The following PINX1 variants were observed in gnomAD, a reference collection of about 807,000 sequenced individuals.
The protein encoded by PINX1 is PIN2 (TERF1) interacting telomerase inhibitor 1.
A neutral mutation model predicts 25.4 loss-of-function variants in PINX1; 34 were observed. That is an observed-to-expected ratio of 1.34 (90% confidence interval 1.02 to 1.78). PINX1 has a LOEUF of 1.78. Among genes scored for constraint, PINX1 ranks in the 40% most tolerant of loss-of-function variants. PINX1 has a pLI of 0.00. For missense variants in PINX1, 592 were observed against 404.9 expected (o/e 1.46, Z -3.97); for synonymous variants, 197 against 147.7 (o/e 1.33, Z -2.42).
At chr8:10,778,852 T>C (rs370512253) in intron 6 of PINX1, among the ~76,000 whole-genome samples, 2 of 152,348 alleles carry the variant, frequency 1.3e-5, no homozygotes, top group East Asian at 1.9e-4. Flanking sequence ...TTGTCCCAGA[T>C]TGTCCAAGAG....
At chr8:10,769,217 C>G (rs980209561) in intron 6 of PINX1, among the ~76,000 whole-genome samples, 1 of 152,148 alleles carries the variant, frequency 6.6e-6, no homozygotes, top group Non-Finnish European at 1.5e-5. Context: ...AATTCCAATG[C>G]TTGCTGTTCA....
chr8:10,813,662 T>G (rs950263693), intron 6 of PINX1, among the ~76,000 whole-genome samples: 1 of 152,196 alleles, frequency 6.6e-6, no homozygotes, highest in South Asian at 2.1e-4. Context: ...TTTGGTATCC[T>G]GGGAGAGTGA....
chr8:10,831,505 T>G (rs188115842), intron 4 of PINX1, among the ~76,000 whole-genome samples, 160 bp downstream of exon 4: 2 of 152,354 alleles, frequency 1.3e-5, no homozygotes, highest in Admixed American at 1.3e-4. Flanking sequence ...TTGATGAACA[T>G]AACACATGTG....
At chr8:10,795,248 T>C (rs534602459) in intron 6 of PINX1, among the ~76,000 whole-genome samples, 30 of 152,366 alleles carry the variant, frequency 2.0e-4, no homozygotes, top group South Asian at 1.2e-3. Flanking sequence ...GTTCAGTTCA[T>C]AGCAATGTCT....
At chr8:10,831,155 G>C (rs750944549) in intron 4 of PINX1, among the ~76,000 whole-genome samples, 1 of 152,230 alleles carries the variant, frequency 6.6e-6, no homozygotes, top group Non-Finnish European at 1.5e-5. Flanking sequence ...ACATGGTTGA[G>C]TTTGGAGGAC....
At position 10,839,745 on chromosome 8, in the gene PINX1, C is replaced by A; in HGVS notation, c.12G>T (p.Leu4=). MSM[L]AERRRKQKWA... is the part of the protein sequence containing the mutation. ...TCCGCTTCCGACACTCACGTTCAGCCAGCATAGACATGTCGGAGAGCCTGT... is the reference window on the plus strand; with the variant it reads ...TCCGCTTCCGACACTCACGTTCAGCAAGCATAGACATGTCGGAGAGCCTGT... The change falls in exon 1 of 7, where the codon CTG becomes CTT. Residue 4 remains leucine (L), a synonymous_variant. Coordinates refer to ENST00000314787, the MANE Select transcript of PINX1 (RefSeq NM_017884.6). 6.2e-7 allele frequency: 1 copy of A among 1,605,806 alleles called. No individual in the cohort carries two copies.
chr8:10,774,395 C>G (rs991712029), intron 6 of PINX1, among the ~76,000 whole-genome samples: 1 of 151,996 alleles, frequency 6.6e-6, no homozygotes, highest in Non-Finnish European at 1.5e-5. Context: ...GATTCTCCTG[C>G]CTCAGCCTCC....
intron 1 of PINX1, among the ~76,000 whole-genome samples, chr8:10,838,142 G>C (rs6601535): frequency 0.56 from 84,850 of 152,082 alleles, 24,865 homozygotes; most frequent in African/African-American, 0.7. Flanking sequence ...TCTTAGAACC[G>C]GTTCTAGTTC....
At chr8:10,806,608 G>C (rs562208255) in intron 6 of PINX1, among the ~76,000 whole-genome samples, 6 of 152,150 alleles carry the variant, frequency 3.9e-5, no homozygotes, top group African/African-American at 7.2e-5. Context: ...CTTCAATAAC[G>C]ATTTGCTGAA....
At chr8:10,797,614 G>A (rs1452599081) in intron 6 of PINX1, among the ~76,000 whole-genome samples, 1 of 152,182 alleles carries the variant, frequency 6.6e-6, no homozygotes, top group Non-Finnish European at 1.5e-5. Context: ...CCCTGAATCA[G>A]ATTCAGAAGA....
At chr8:10,835,686 G>T (rs929088238) in intron 1 of PINX1, among the ~76,000 whole-genome samples, 18 of 151,898 alleles carry the variant, frequency 1.2e-4, no homozygotes, top group Non-Finnish European at 2.2e-4. Flanking sequence ...AGGCTTCATT[G>T]CAAGAAGTAA....
intron 5 of PINX1, chr8:10,825,462 G>A (rs749152528): frequency 4.5e-5 from 24 of 534,562 alleles, no homozygotes; most frequent in Non-Finnish European, 9.2e-5. Flanking sequence ...GACAAACTGG[G>A]GAGTTGGTTC....
At chr8:10,785,957 T>C (rs1336272101) in intron 6 of PINX1, among the ~76,000 whole-genome samples, 2 of 152,230 alleles carry the variant, frequency 1.3e-5, no homozygotes, top group East Asian at 1.9e-4. Flanking sequence ...GAAAAGATTC[T>C]GGACTGCGTA....
At chr8:10,785,509 G>A (rs541510632) in intron 6 of PINX1, among the ~76,000 whole-genome samples, 5 of 152,260 alleles carry the variant, frequency 3.3e-5, no homozygotes, top group Admixed American at 1.3e-4. Context: ...ACACTTTCAG[G>A]TAGCTTCAAG....
chr8:10,832,789 T>C, intron 3 of PINX1, 103 bp downstream of exon 3: 1 of 653,594 alleles, frequency 1.5e-6, no homozygotes, highest in Admixed American at 2.6e-5. Context: ...TAAAAAGAAG[T>C]GCTGCACCAA....
At chr8:10,788,668 G>T (rs1274681522) in intron 6 of PINX1, among the ~76,000 whole-genome samples, 3 of 152,194 alleles carry the variant, frequency 2.0e-5, no homozygotes, top group Admixed American at 2.0e-4. Context: ...GTGTCTAAGT[G>T]AAAGTGGTCA....
At position 10,829,557 on chromosome 8, in the gene PINX1, T is replaced by A. The variant is rs551831964; in HGVS notation, c.301+2108A>T. ...CGAGGTACAGCCATGTTCAGCAATT[T>A]ACCGAATGTCATACAAATGAAAAGT... On this transcript the variant is annotated intron_variant, in intron 4 of 6. Coordinates refer to ENST00000314787, the MANE Select transcript of PINX1 (RefSeq NM_017884.6). 2.0e-5 allele frequency among the ~76,000 whole-genome samples: 3 copies of A among 152,338 alleles called. No homozygotes were observed. The South Asian group carries it at 6.2e-4, about 32-fold the overall frequency.
intron 4 of PINX1, among the ~76,000 whole-genome samples, chr8:10,830,364 A>C (rs1203918735): frequency 1.3e-5 from 2 of 152,228 alleles, no homozygotes; most frequent in African/African-American, 4.8e-5. Context: ...TCCTATGGTT[A>C]GATGTGTGCT....
At chr8:10,835,642 T>A (rs1431138004) in intron 1 of PINX1, among the ~76,000 whole-genome samples, 1 of 152,148 alleles carries the variant, frequency 6.6e-6, no homozygotes, top group Non-Finnish European at 1.5e-5. Context: ...TAGACCATCA[T>A]CTCCTTAGGG....
Sources: allele counts gnomAD v4.1 joint callset (sites outside exome capture counted in the v4.1 genomes callset), GRCh38; gene constraint gnomAD v4.1.1; transcripts MANE v1.5; gene names NCBI Gene and HGNC (gene_info 2026-07-23, HGNC 2026-07-21).